Variants in AGPAT3 observed in about 807,000 individuals in gnomAD.
AGPAT3 encodes the protein 1-acylglycerol-3-phosphate O-acyltransferase 3.
AGPAT3 carries 5 observed loss-of-function variants against 47.3 expected under a neutral mutation model. The ratio of observed to expected loss-of-function variants is 0.11; its 90% CI spans 0.06 to 0.22. The LOEUF is 0.22. AGPAT3 is among the 10% of genes least tolerant of loss of function. AGPAT3 has a pLI of 1.00. For synonymous variants in AGPAT3, 212 were observed against 208.3 expected, an observed-to-expected ratio of 1.02 and a Z score of -0.15; for missense variants, 315 against 493.0, an observed-to-expected ratio of 0.64 and a Z score of 3.42.
At chr21:43,926,240 C>T (rs917967860) in intron 2 of AGPAT3, among the ~76,000 whole-genome samples, 21 of 152,346 alleles carry the variant, frequency 1.4e-4, no homozygotes, top group African/African-American at 4.6e-4. Flanking sequence ...TCCAGCTCCT[C>T]AGCCCTGTCC....
rs1374003005 is a variant in AGPAT3, at chr21:43,930,875, C to T, written c.-49+26856C>T. 2.0e-5 allele frequency among the ~76,000 whole-genome samples: 3 copies of T among 152,160 alleles called. No homozygotes were observed. The highest frequency in any genetic ancestry group is 1.9e-4 in the East Asian group (1 of 5,188). On this transcript the variant is annotated intron_variant, in intron 2 of 9. Transcript: ENST00000291572. The surrounding 1 kb of genome is among the most constrained non-coding windows in gnomAD (Gnocchi z 5.0). ...CAAGGGGCCTGCTGCCCTGTCCCCT[C>T]GGGCGGGCGCCACTTCCTTCCTGCA...
intron 2 of AGPAT3, among the ~76,000 whole-genome samples, chr21:43,936,069 C>T (rs2087436688): frequency 6.6e-6 from 1 of 152,250 alleles, no homozygotes; most frequent in South Asian, 2.1e-4. Context: ...CTGGCCCCCA[C>T]ACCTGCAGCT....
At chr21:43,909,575 C>T (rs2086585640) in intron 2 of AGPAT3, among the ~76,000 whole-genome samples, 1 of 152,252 alleles carries the variant, frequency 6.6e-6, no homozygotes, top group Non-Finnish European at 1.5e-5. Flanking sequence ...GGATTCCAGG[C>T]ATGAGCCACT....
chr21:43,974,555 GGT>G (rs1329987860), intron 7 of AGPAT3, among the ~76,000 whole-genome samples: 18 of 145,242 alleles, frequency 1.2e-4, no homozygotes, highest in Non-Finnish European at 2.5e-4. Context: ...ATATGTGTGT[GGT>G]GTGTGTGTAG....
rs555165700 is a variant in AGPAT3 at position 43,932,795 on chromosome 21, C to T, written c.-48-26839C>T. Reference sequence around the variant, plus strand: ...CCTCCCGAGTAGCTGGGATTACAGACGCCCGCCACCATGCCGGGCTAATTT... The same window carrying T: ...CCTCCCGAGTAGCTGGGATTACAGATGCCCGCCACCATGCCGGGCTAATTT... On this transcript the variant is annotated intron_variant, in intron 2 of 9. Coordinates refer to ENST00000291572, the MANE Select transcript of AGPAT3 (RefSeq NM_020132.5). This position sits in a 1 kb window ranked among gnomAD's most constrained non-coding sequence, Gnocchi z 5.2. Among the ~76,000 whole-genome samples the T allele has an allele frequency of 8.5e-5, 13 of 152,292 alleles. No homozygotes were observed. The highest frequency in any genetic ancestry group is 2.4e-4 in the African/African-American group (10 of 41,556).
chr21:43,909,396 C>T lies in AGPAT3; in HGVS notation c.-49+5377C>T, dbSNP rs534311925. 3.3e-5 allele frequency among the ~76,000 whole-genome samples: 5 copies of T among 151,732 alleles called. No homozygotes were observed. In the South Asian group the frequency reaches 6.2e-4, roughly 19 times the overall value. ...CCGCAAGCTCCGTCTCCCGGGTTCA[C>T]GCCATTCTCCTGCCTCAGCCTCCCG... On this transcript the variant is annotated intron_variant, in intron 2 of 9. Coordinates refer to ENST00000291572, the MANE Select transcript of AGPAT3 (RefSeq NM_020132.5).
intron 1 of AGPAT3, among the ~76,000 whole-genome samples, chr21:43,889,213 A>T (rs1301495977): frequency 6.6e-6 from 1 of 151,210 alleles, no homozygotes; most frequent in Non-Finnish European, 1.5e-5. Flanking sequence ...TGATGAAGGC[A>T]TGTTGGCGAC....
At chr21:43,869,819 T>C (rs1573474) in intron 1 of AGPAT3, among the ~76,000 whole-genome samples, 122,194 of 152,212 alleles carry the variant, frequency 0.8, 49,115 homozygotes, top group Admixed American at 0.85. Context: ...TGAAGCGGCT[T>C]TCTCTGGCAG....
rs2087309250 is a variant in AGPAT3 at position 43,933,063 on chromosome 21, G to A, written c.-48-26571G>A. Among the ~76,000 whole-genome samples the A allele has an allele frequency of 1.3e-5, 2 of 152,128 alleles. No homozygotes were observed. Among genetic ancestry groups the A allele is most frequent in the East Asian group, 1.9e-4 (1 of 5,202 alleles). On this transcript the variant is annotated intron_variant, in intron 2 of 9. Transcript: ENST00000291572. The surrounding 1 kb of genome is among the most constrained non-coding windows in gnomAD (Gnocchi z 6.0). ...CCAGGTGCCTTTTCTCTGCGTTCTC[G>A]TCAACACCTGTTACATTCGTCTTTT...
At position 43,934,460 on chromosome 21, in the gene AGPAT3, G is replaced by C. The variant is rs1395141131; in HGVS notation, c.-48-25174G>C. ...CAGCGCAACCTCGTTGGTAGAGTCAGGAGGCTGGGCCTCCACTAGGATGTT... is the reference window on the plus strand; with the variant it reads ...CAGCGCAACCTCGTTGGTAGAGTCACGAGGCTGGGCCTCCACTAGGATGTT... On this transcript the variant is annotated intron_variant, in intron 2 of 9. Transcript: ENST00000291572. This position sits in a 1 kb window ranked among gnomAD's most constrained non-coding sequence, Gnocchi z 4.7. 6.6e-6 allele frequency among the ~76,000 whole-genome samples: 1 copy of C among 152,272 alleles called. No individual in the cohort carries two copies. Among genetic ancestry groups the C allele is most frequent in the African/African-American group, 2.4e-5 (1 of 41,466 alleles).
At position 43,952,452 on chromosome 21, in the gene AGPAT3, G is replaced by A. The variant is rs182677171; in HGVS notation, c.-48-7182G>A. Among the ~76,000 whole-genome samples the A allele has an allele frequency of 6.6e-5, 10 of 152,306 alleles. No individual in the cohort carries two copies. Among genetic ancestry groups the A allele is most frequent in the Admixed American group, 2.0e-4 (3 of 15,308 alleles). Reference sequence around the variant, plus strand: ...AAAGGTGGCAGAATTGGGTGTGGGCGTGTGGGGCTGGGCTCTGATTGGCAA... The same window carrying A: ...AAAGGTGGCAGAATTGGGTGTGGGCATGTGGGGCTGGGCTCTGATTGGCAA... On this transcript the variant is annotated intron_variant, in intron 2 of 9. Coordinates refer to ENST00000291572, the MANE Select transcript of AGPAT3 (RefSeq NM_020132.5). The surrounding 1 kb of genome is among the most constrained non-coding windows in gnomAD (Gnocchi z 5.6).
In AGPAT3 at chr21:43,959,620, C is replaced by G; in HGVS notation, c.-48-14C>G. 1 of 1,602,098 alleles carries G rather than the reference C, an allele frequency of 6.2e-7. No homozygotes were observed. The highest frequency in any genetic ancestry group is 8.5e-7 in the Non-Finnish European group (1 of 1,178,898). ...GTGGCCACCCTGACGCTGTCCCTGT[C>G]CCTGTCTTTGCAGGACGGCTGTCCT... On this transcript the variant is annotated splice_polypyrimidine_tract_variant and intron_variant, in intron 2 of 9. Coordinates refer to ENST00000291572, the MANE Select transcript of AGPAT3 (RefSeq NM_020132.5).
intron 1 of AGPAT3, among the ~76,000 whole-genome samples, chr21:43,886,021 G>A (rs1027014951): frequency 2.0e-5 from 3 of 152,354 alleles, no homozygotes; most frequent in Admixed American, 6.5e-5. Context: ...CCGGGGCAGC[G>A]ACATGGCAAT....
At chr21:43,865,785 C>T (rs1291946647) in intron 1 of AGPAT3, among the ~76,000 whole-genome samples, 1 of 151,928 alleles carries the variant, frequency 6.6e-6, no homozygotes, top group African/African-American at 2.4e-5. Context: ...TCGGCTCCCC[C>T]GTGGACAGGA....
rs913218256 is a variant in AGPAT3 at position 43,933,670 on chromosome 21, G to A, written c.-48-25964G>A. Among the ~76,000 whole-genome samples, 1 of 151,946 alleles carries A rather than the reference G, an allele frequency of 6.6e-6. No homozygotes were observed. The highest frequency in any genetic ancestry group is 1.5e-5 in the Non-Finnish European group (1 of 68,012). On this transcript the variant is annotated intron_variant, in intron 2 of 9. Coordinates refer to ENST00000291572, the MANE Select transcript of AGPAT3 (RefSeq NM_020132.5). The surrounding 1 kb of genome is among the most constrained non-coding windows in gnomAD (Gnocchi z 6.0). ...ACTGGGGTTAGGCTCCAGTAGTCTC[G>A]GCATGTAGCAGCAAATGTGGGAGGG... is the stretch of plus-strand genomic sequence containing the variant.
intron 2 of AGPAT3, among the ~76,000 whole-genome samples, chr21:43,909,452 T>C (rs898579635): frequency 6.6e-5 from 10 of 152,034 alleles, no homozygotes; most frequent in East Asian, 3.9e-4. Flanking sequence ...CCTGCCACCA[T>C]GCCCGGCTAA....
In AGPAT3 at chr21:43,985,561, C is replaced by G. The variant is rs1346305452; in HGVS notation, c.*3169C>G. On this transcript the variant is annotated 3_prime_UTR_variant, in exon 10 of 10. Transcript: ENST00000291572. ...TTTGAAGGAAAAGCCGTGGTTGGAC[C>G]CAGCTGTGTGTTTCACTCACGTGCA... 2 of 268,936 alleles carry G rather than the reference C, an allele frequency of 7.4e-6. No individual in the cohort carries two copies. The highest frequency in any genetic ancestry group is 4.5e-5 in the African/African-American group (2 of 44,150). 16.7% of individuals were successfully genotyped at this position (268,936 alleles called of 1,614,324 possible).
chr21:43,961,337 C>CAT (rs1232064177), intron 3 of AGPAT3, among the ~76,000 whole-genome samples: 2 of 151,138 alleles, frequency 1.3e-5, no homozygotes, highest in African/African-American at 2.4e-5. Flanking sequence ...CACTTTGTCT[C>CAT]GTGGGAAACG....
At chr21:43,951,162 G>C (rs2088174450) in intron 2 of AGPAT3, among the ~76,000 whole-genome samples, 1 of 152,200 alleles carries the variant, frequency 6.6e-6, no homozygotes, top group Non-Finnish European at 1.5e-5. Flanking sequence ...CACCTCGCAG[G>C]GGCCAGGTCT....
Sources: gnomAD v4.1 joint callset for allele counts (sites outside exome capture counted in the v4.1 genomes callset) on GRCh38, gnomAD v4.1.1 for gene constraint, Gnocchi (gnomAD v3.1) non-coding constraint, MANE v1.5 for transcripts, NCBI Gene and HGNC (gene_info 2026-07-23, HGNC 2026-07-21) for gene names.